BACH2: variants seen among roughly 807,000 people sequenced by gnomAD.
BACH2 encodes BACH transcriptional regulator 2, also known as transcription regulator protein BACH2.
BACH2 carries 5 observed loss-of-function variants against 61.8 expected under a neutral mutation model. That is an observed-to-expected ratio of 0.08 (90% confidence interval 0.04 to 0.17). The LOEUF (loss-of-function observed/expected upper bound fraction) is 0.17, where lower values mean the gene tolerates loss of function less well. Among genes scored for constraint, BACH2 ranks in the 10% least tolerant of loss-of-function variants. The pLI, the probability that BACH2 is intolerant of heterozygous loss-of-function variation, is 1.00. For synonymous variants in BACH2, 446 were observed against 440.1 expected, an observed-to-expected ratio of 1.01 and a Z score of -0.17; for missense variants, 824 against 1,091.1, an observed-to-expected ratio of 0.76 and a Z score of 3.45.
chr6:89,967,635 C>T (rs1402734261), intron 6 of BACH2, among the ~76,000 whole-genome samples: 2 of 152,206 alleles, frequency 1.3e-5, no homozygotes, highest in Non-Finnish European at 2.9e-5. Context: ...ACTAAGCTAG[C>T]AGGTGTCTGG....
At chr6:90,244,483 T>C (rs1770565085) in intron 3 of BACH2, among the ~76,000 whole-genome samples, 1 of 152,224 alleles carries the variant, frequency 6.6e-6, no homozygotes, top group Non-Finnish European at 1.5e-5. Context: ...CCTTGGATAA[T>C]GGCTGGGCCC....
intron 6 of BACH2, among the ~76,000 whole-genome samples, chr6:90,006,702 G>A (rs577660760): frequency 8.6e-5 from 13 of 152,006 alleles, no homozygotes; most frequent in African/African-American, 2.9e-4. Flanking sequence ...TTGCAGCCTC[G>A]ATCTCCTGGG....
intron 4 of BACH2, among the ~76,000 whole-genome samples, chr6:90,148,601 C>G (rs1414572559): frequency 6.6e-6 from 1 of 151,950 alleles, no homozygotes; most frequent in Non-Finnish European, 1.5e-5. Context: ...GAGGAATATT[C>G]AAGTGACATG....
chr6:89,974,328 T>G (rs1398707112), intron 6 of BACH2, among the ~76,000 whole-genome samples: 1 of 152,174 alleles, frequency 6.6e-6, no homozygotes, highest in Non-Finnish European at 1.5e-5. Flanking sequence ...ATAGCGTCAA[T>G]GAGTTAAACA....
Position 89,929,849 on chromosome 6 carries a change from G to A in BACH2, c.*2559C>T, listed in dbSNP as rs768995837. The A allele has an allele frequency of 6.6e-6, 1 of 152,224 alleles. No individual in the cohort carries two copies. Among genetic ancestry groups the A allele is most frequent in the South Asian group, 2.1e-4 (1 of 4,826 alleles). The allele number at this position is 152,224 out of a possible 1,614,324, so 9.4% of individuals were successfully genotyped here. A position where few individuals can be genotyped will look rare whatever the true frequency, so the allele number is the denominator to read the frequency against. ...CCTGGTTATGATATGAGCAGAAAGT[G>A]TTCTTTTTTTAAAAGAAGAGGAGAG... On this transcript the variant is annotated 3_prime_UTR_variant, in exon 9 of 9. Transcript: ENST00000257749.
intron 4 of BACH2, among the ~76,000 whole-genome samples, chr6:90,167,714 G>A (rs762464489): frequency 6.6e-6 from 1 of 152,136 alleles, no homozygotes; most frequent in African/African-American, 2.4e-5. Context: ...GCTCCCAGGC[G>A]CTCCTGGAAA....
At chr6:90,247,798 T>G in intron 3 of BACH2, among the ~76,000 whole-genome samples, 1 of 152,188 alleles carries the variant, frequency 6.6e-6, no homozygotes, top group East Asian at 1.9e-4. Context: ...ATTTCCTCCC[T>G]CATAGCTTCA....
chr6:90,265,722 CT>C lies in BACH2; in HGVS notation c.-353+6126del, dbSNP rs547604570. Among the ~76,000 whole-genome samples the C allele has an allele frequency of 1.8e-4, 28 of 152,284 alleles. No individual in the cohort carries two copies. In the East Asian group the frequency reaches 4.8e-3, roughly 26 times the overall value. ...CCTTTCTATCTATAGTGAGTGTTGACTTACGTTGCAGGCATGGTGCTAAGAG... is the reference window on the plus strand; with the variant it reads ...CCTTTCTATCTATAGTGAGTGTTGACTACGTTGCAGGCATGGTGCTAAGAG... On this transcript the variant is annotated intron_variant, in intron 2 of 8. Coordinates refer to ENST00000257749, the MANE Select transcript of BACH2 (RefSeq NM_021813.4).
At chr6:89,990,480 A>G (rs1273150727) in intron 6 of BACH2, among the ~76,000 whole-genome samples, 1 of 150,888 alleles carries the variant, frequency 6.6e-6, no homozygotes, top group Non-Finnish European at 1.5e-5. Context: ...CCTCTCCCAG[A>G]CACTTTTCTG....
intron 5 of BACH2, among the ~76,000 whole-genome samples, chr6:90,071,869 A>AT (rs1781243755): frequency 6.6e-6 from 1 of 152,240 alleles, no homozygotes; most frequent in African/African-American, 2.4e-5. Flanking sequence ...TAAGAAAATC[A>AT]TAAGAGAAAA....
intron 4 of BACH2, among the ~76,000 whole-genome samples, chr6:90,205,074 C>T (rs1236307997): frequency 6.6e-6 from 1 of 152,206 alleles, no homozygotes; most frequent in Non-Finnish European, 1.5e-5. Context: ...CCAGCTTTCT[C>T]CCACCCCTGA....
At chr6:90,220,992 A>C (rs1021273073) in intron 3 of BACH2, among the ~76,000 whole-genome samples, 2 of 152,150 alleles carry the variant, frequency 1.3e-5, no homozygotes, top group Non-Finnish European at 2.9e-5. Context: ...AAAGCTTCCC[A>C]ATTTTGTGCA....
intron 6 of BACH2, among the ~76,000 whole-genome samples, chr6:89,997,948 A>G (rs935006764): frequency 6.6e-6 from 1 of 152,240 alleles, no homozygotes; most frequent in Non-Finnish European, 1.5e-5. Context: ...TTTTGCATAT[A>G]AAGAATACAA....
chr6:90,053,945 A>T (rs1354927609), intron 5 of BACH2, among the ~76,000 whole-genome samples: 1 of 152,162 alleles, frequency 6.6e-6, no homozygotes, highest in East Asian at 1.9e-4. Flanking sequence ...ATATCTCTGG[A>T]TCAGTATTTC....
At chr6:90,156,239 A>G (rs140193250) in intron 4 of BACH2, among the ~76,000 whole-genome samples, 2,560 of 152,286 alleles carry the variant, frequency 0.017, 32 homozygotes, top group Admixed American at 0.026. Flanking sequence ...TTACAATTTT[A>G]ATACTTTTGT....
intron 5 of BACH2, among the ~76,000 whole-genome samples, chr6:90,020,945 A>G (rs975886603): frequency 1.3e-5 from 2 of 152,196 alleles, no homozygotes; most frequent in African/African-American, 4.8e-5. Flanking sequence ...GTATGTAGAC[A>G]TTAGCTGAAA....
intron 1 of BACH2, among the ~76,000 whole-genome samples, chr6:90,273,165 G>T (rs1270231198): frequency 6.6e-6 from 1 of 152,040 alleles, no homozygotes; most frequent in Non-Finnish European, 1.5e-5. Flanking sequence ...TTCAAAACCA[G>T]CCTGGATAAC....
intron 5 of BACH2, among the ~76,000 whole-genome samples, chr6:90,065,741 A>T (rs1447193503): frequency 6.6e-6 from 1 of 152,240 alleles, no homozygotes; most frequent in Non-Finnish European, 1.5e-5. Flanking sequence ...AAGTGTTGTT[A>T]CACAGCTAAT....
intron 4 of BACH2, among the ~76,000 whole-genome samples, chr6:90,163,950 C>T (rs566024957): frequency 1.3e-5 from 2 of 152,132 alleles, no homozygotes; most frequent in South Asian, 4.1e-4. Context: ...GTGATGCCCA[C>T]AAGAGAAAGC....
Sources: gnomAD v4.1 joint callset for allele counts (sites outside exome capture counted in the v4.1 genomes callset) on GRCh38, gnomAD v4.1.1 for gene constraint, MANE v1.5 for transcripts, NCBI Gene and HGNC (gene_info 2026-07-23, HGNC 2026-07-21) for gene names.